The following CAPRIN2 variants were observed in gnomAD, a reference collection of about 807,000 sequenced individuals.
CAPRIN2 encodes the protein caprin family member 2, also known as caprin-2.
A neutral mutation model predicts 130.4 loss-of-function variants in CAPRIN2; 66 were observed. The ratio of observed to expected loss-of-function variants is 0.51; its 90% confidence interval spans 0.42 to 0.62. The LOEUF (loss-of-function observed/expected upper bound fraction) is 0.62. CAPRIN2 is among the 20% of genes least tolerant of loss of function. CAPRIN2 has a pLI of 0.00. For missense variants in CAPRIN2, 1,185 were observed against 1,246.6 expected (o/e 0.95, Z 0.74); for synonymous variants, 471 against 444.1 (o/e 1.06, Z -0.76).
chr12:30,711,820 T>G (rs2136295241), intron 15 of CAPRIN2, 191 bp from the exon 18 acceptor site: 1 of 690,382 alleles, frequency 1.4e-6, no homozygotes, highest in Non-Finnish European at 2.7e-6. Flanking sequence ...TGGCATTACT[T>G]GCTTCACCTG....
intron 5 of CAPRIN2, among the ~76,000 whole-genome samples, chr12:30,732,991 G>A (rs919039686): frequency 1.3e-5 from 2 of 151,974 alleles, no homozygotes; most frequent in Admixed American, 1.3e-4. Flanking sequence ...AACAAACTTA[G>A]AAATCTTAAG....
chr12:30,710,272 G>A lies in CAPRIN2; in HGVS notation c.2864C>T (p.Thr955Ile). ...TAAAGTTCCAGGGGCCAGATTAGAG[G>A]TTCTGGCTGCTGAGAAGGCAACTCG... Residue 955 changes from threonine (T) to isoleucine (I), a missense_variant, in exon 17 of 17, where the codon ACC becomes ATC. This residue lies in a region of CAPRIN2 where 1,104 missense variants were observed against 1,104.3 expected (regional missense o/e 1.00). Transcript: ENST00000298892. The surrounding 1 kb of genome is among the most constrained non-coding windows in gnomAD (Gnocchi z 4.8). 1 of 1,614,186 alleles carries A rather than the reference G, an allele frequency of 6.2e-7. No homozygotes were observed. The highest frequency in any genetic ancestry group is 8.5e-7 in the Non-Finnish European group (1 of 1,180,028).
chr12:30,716,548 T>A, exon 13 of CAPRIN2: 1 of 1,613,986 alleles, frequency 6.2e-7, no homozygotes, highest in Non-Finnish European at 8.5e-7. Flanking sequence ...CATGTATAGA[T>A]GGCAGTTGGC....
At chr12:30,751,101 T>C in exon 2 of CAPRIN2, 1 of 1,613,960 alleles carries the variant, frequency 6.2e-7, no homozygotes, top group Non-Finnish European at 8.5e-7. Context: ...GCTCTCCACT[T>C]TTCAGGCGAT....
intron 5 of CAPRIN2, 149 bp from the exon 7 acceptor site, chr12:30,731,659 T>C: frequency 1.6e-6 from 1 of 635,216 alleles, no homozygotes; most frequent in Non-Finnish European, 2.6e-6. Flanking sequence ...TTTACAACAG[T>C]TTACACTTTC....
intron 11 of CAPRIN2, among the ~76,000 whole-genome samples, chr12:30,722,219 T>C (rs114450849): frequency 0.026 from 3,998 of 152,310 alleles, 156 homozygotes; most frequent in African/African-American, 0.09. Flanking sequence ...GCTTTTTAAG[T>C]AGACCAGTTG....
At chr12:30,729,123 G>A (rs1481505415) in exon 8 of CAPRIN2, 1 of 1,613,988 alleles carries the variant, frequency 6.2e-7, no homozygotes, top group Non-Finnish European at 8.5e-7. Flanking sequence ...TAAGGAAACT[G>A]CAGGCTTGGA....
chr12:30,725,053 ACT>A (rs2060500939), intron 9 of CAPRIN2, among the ~76,000 whole-genome samples: 1 of 151,998 alleles, frequency 6.6e-6, no homozygotes, highest in Admixed American at 6.6e-5. Flanking sequence ...CAGAAAAGAA[ACT>A]CTTGACCTTA....
exon 6 of CAPRIN2, chr12:30,731,481 A>G (rs1372450676): frequency 1.2e-6 from 2 of 1,613,002 alleles, no homozygotes; most frequent in Non-Finnish European, 1.7e-6. Flanking sequence ...GAGTTCAGCA[A>G]TTTAGACAGT....
At chr12:30,714,903 C>A in intron 14 of CAPRIN2, 56 bp downstream of exon 16, 1 of 1,416,758 alleles carries the variant, frequency 7.1e-7, no homozygotes, top group South Asian at 1.3e-5. Context: ...TGGTGTGAGT[C>A]AAGTAAACAC....
exon 8 of CAPRIN2, chr12:30,728,876 G>T: frequency 6.2e-7 from 1 of 1,614,052 alleles, no homozygotes. Flanking sequence ...CGCTCTGCAT[G>T]GAAGGTGTCC....
intron 4 of CAPRIN2, among the ~76,000 whole-genome samples, chr12:30,734,392 C>A (rs1286167609): frequency 2.6e-5 from 4 of 151,950 alleles, no homozygotes; most frequent in Non-Finnish European, 5.9e-5. Flanking sequence ...TTTACTCCAT[C>A]AAAACAAAAA....
At chr12:30,720,148 T>C (rs1245325702) in intron 12 of CAPRIN2, 1 of 152,196 alleles carries the variant, frequency 6.6e-6, no homozygotes, top group African/African-American at 2.4e-5. Flanking sequence ...TGAAGTGCAG[T>C]GGCACAATCT....
At chr12:30,753,785 G>A (rs754632387) in exon 1 of CAPRIN2, 3 of 1,579,770 alleles carry the variant, frequency 1.9e-6, no homozygotes, top group Non-Finnish European at 1.7e-6. Context: ...AGTAATTAGT[G>A]CCGCTAGCCA....
At chr12:30,753,634 G>C (rs2075030878) in exon 1 of CAPRIN2, 4 of 1,614,040 alleles carry the variant, frequency 2.5e-6, no homozygotes, top group South Asian at 2.2e-5. Flanking sequence ...GGAAAGTTAA[G>C]TATAAAATTA....
At chr12:30,714,935 A>G (rs1221456853) in intron 14 of CAPRIN2, 24 bp downstream of exon 16, 28 of 1,585,542 alleles carry the variant, frequency 1.8e-5, no homozygotes, top group Non-Finnish European at 2.4e-5. Context: ...AATTCAGTAT[A>G]ATTCAATTTT....
chr12:30,724,640 A>C (rs914362919), intron 9 of CAPRIN2, among the ~76,000 whole-genome samples, 189 bp from the exon 11 acceptor site: 1 of 152,176 alleles, frequency 6.6e-6, no homozygotes, highest in African/African-American at 2.4e-5. Flanking sequence ...AGAAATTAAG[A>C]ATTAAAAATA....
rs869108891 is a variant in CAPRIN2, at chr12:30,751,907, GTATTTTT to G, written c.421-781_421-775del. Among the ~76,000 whole-genome samples, 516 of 123,526 alleles carry G rather than the reference GTATTTTT, an allele frequency of 4.2e-3. 32 individuals are homozygous for G. In the East Asian group the frequency reaches 0.068, roughly 16 times the overall value. 81.0% of individuals were successfully genotyped at this position (123,526 alleles called of 152,430 possible). On this transcript the variant is annotated intron_variant, in intron 1 of 16. Coordinates refer to ENST00000298892, the Ensembl canonical transcript of CAPRIN2. ...ATAATAATGACATAAACCCACTATG[GTATTTTT>G]TTTTTTTTTTTTTTTTTTTTTTGAG...
At chr12:30,721,310 C>T (rs560106945) in intron 11 of CAPRIN2, among the ~76,000 whole-genome samples, 1 of 151,860 alleles carries the variant, frequency 6.6e-6, no homozygotes, top group South Asian at 2.1e-4. Flanking sequence ...AGGTGAGCTC[C>T]GGGTACGTTT....
Sources: allele counts gnomAD v4.1 joint callset (sites outside exome capture counted in the v4.1 genomes callset), GRCh38; gene constraint gnomAD v4.1.1; regional missense constraint gnomAD v4.1.1; non-coding constraint Gnocchi (gnomAD v3.1); transcripts MANE v1.5; gene names NCBI Gene and HGNC (gene_info 2026-07-23, HGNC 2026-07-21).